The following CLK3 variants were observed in gnomAD, a reference collection of about 807,000 sequenced individuals.
The protein encoded by CLK3 is dual specificity protein kinase CLK3.
CLK3 carries 24 observed loss-of-function variants against 65.2 expected under a neutral mutation model. The ratio of observed to expected loss-of-function variants is 0.37; its 90% CI spans 0.27 to 0.52. The LOEUF (loss-of-function observed/expected upper bound fraction) is 0.52. Ranked by LOEUF, CLK3 falls within the 20% of genes least tolerant of loss-of-function variation. CLK3 has a pLI of 0.92. For synonymous variants in CLK3, 252 were observed against 240.8 expected (o/e 1.05, Z -0.43); for missense variants, 506 against 660.0 (o/e 0.77, Z 2.56).
Position 74,624,877 on chromosome 15 carries a change from C to T in CLK3, c.534-25C>T. The T allele has an allele frequency of 6.4e-7, 1 of 1,558,540 alleles. No homozygotes were observed. Among genetic ancestry groups the T allele is most frequent in the Non-Finnish European group, 8.8e-7 (1 of 1,139,096 alleles). On this transcript the variant is annotated intron_variant, in intron 5 of 12. Transcript: ENST00000395066. This position sits in a 1 kb window ranked among gnomAD's most constrained non-coding sequence, Gnocchi z 4.2. ...AGGACTGGGCAGCTGCTGATGAGAA[C>T]CTCTGTTTCCTTCCCGGGTACCAGA... is the stretch of plus-strand genomic sequence containing the variant.
At chr15:74,609,713 C>A (rs2061964179) in intron 1 of CLK3, among the ~76,000 whole-genome samples, 1 of 152,382 alleles carries the variant, frequency 6.6e-6, no homozygotes, top group East Asian at 1.9e-4. Context: ...GGCCCTGCCT[C>A]CATCCCAGCT....
upstream of CLK3, among the ~76,000 whole-genome samples, chr15:74,611,083 ACAGGGACCCTGGCCCTTCCTTCACCTC>A (rs2061983648): frequency 6.6e-6 from 1 of 152,126 alleles, no homozygotes; most frequent in Non-Finnish European, 1.5e-5. Context: ...CTGGGGGGCC[ACAGGGACCCTGGCCCTTCCTTCACCTC>A]CAGCAGTGTC....
chr15:74,624,815 T>A lies in CLK3; in HGVS notation c.534-87T>A. The A allele has an allele frequency of 1.1e-6, 1 of 926,638 alleles. No homozygotes were observed. The highest frequency in any genetic ancestry group is 1.7e-6 in the Non-Finnish European group (1 of 577,034). The allele number at this position is 926,638 out of a possible 1,614,324, so 57.4% of individuals were successfully genotyped here. A position where few individuals can be genotyped will look rare whatever the true frequency, so the allele number is the denominator to read the frequency against. ...TGCCGGCTGCTCCTGGAGTGGTGTTTGTTGGGAGTTGCTGGGTTGGGGTGG... is the reference window on the plus strand; with the variant it reads ...TGCCGGCTGCTCCTGGAGTGGTGTTAGTTGGGAGTTGCTGGGTTGGGGTGG... On this transcript the variant is annotated intron_variant, in intron 5 of 12. Transcript: ENST00000395066. This position sits in a 1 kb window ranked among gnomAD's most constrained non-coding sequence, Gnocchi z 4.2.
chr15:74,615,959 C>A, intron 1 of CLK3, 61 bp downstream of exon 1: 1 of 1,161,800 alleles, frequency 8.6e-7, no homozygotes, highest in Non-Finnish European at 1.1e-6. Context: ...GGTGAGTCGG[C>A]GGGGCAGGCG....
intron 10 of CLK3, 78 bp from the exon 11 acceptor site, chr15:74,628,526 A>G: frequency 9.4e-7 from 1 of 1,062,392 alleles, no homozygotes; most frequent in African/African-American, 1.6e-5. Context: ...GCACTTGCCC[A>G]TCTTTCTTGT....
At chr15:74,610,142 C>A (rs1005890535) in intron 1 of CLK3, among the ~76,000 whole-genome samples, 1 of 152,258 alleles carries the variant, frequency 6.6e-6, no homozygotes, top group Non-Finnish European at 1.5e-5. Context: ...TTGGGGGATC[C>A]CCAGGCTGGG....
At chr15:74,615,498 C>T, upstream of CLK3, 1 of 1,308,046 alleles carries the variant, frequency 7.6e-7, no homozygotes, top group Non-Finnish European at 9.8e-7. Context: ...GCGGACCACG[C>T]GGGGTCGGGG....
chr15:74,608,520 T>TGAAA (rs2061942234), intron 1 of CLK3: 1 of 152,036 alleles, frequency 6.6e-6, no homozygotes, highest in Non-Finnish European at 1.5e-5. Context: ...AGATGCCTCT[T>TGAAA]TCATGGCTCC....
chr15:74,629,050 C>A lies in CLK3; in HGVS notation c.1296+18C>A, dbSNP rs1358503644. ...CTCTGAAGGTCAGTTTCTGGCTACC[C>A]CCAGCTGAACTCATGCCAAGGAGAG... On this transcript the variant is annotated intron_variant, in intron 12 of 12. Transcript: ENST00000395066. The A allele has an allele frequency of 6.3e-7, 1 of 1,576,904 alleles. No individual in the cohort carries two copies. Among genetic ancestry groups the A allele is most frequent in the South Asian group, 1.1e-5 (1 of 90,350 alleles).
chr15:74,608,948 G>A lies in CLK3; in HGVS notation c.-1+522G>A, dbSNP rs576022116. ...AGCCACCTACCAGGACTCTTGGCCC[G>A]GGGCCACACCCAGTGCTGCTAGCAG... On this transcript the variant is annotated intron_variant, in intron 1 of 12. Transcript: ENST00000345005. Among the ~76,000 whole-genome samples the A allele has an allele frequency of 1.1e-4, 16 of 152,284 alleles. 1 individual carries two copies. The highest frequency in any genetic ancestry group is 6.8e-3 in the Middle Eastern group (2 of 294).
At chr15:74,623,221 T>C (rs2062117421) in intron 5 of CLK3, among the ~76,000 whole-genome samples, 1 of 152,208 alleles carries the variant, frequency 6.6e-6, no homozygotes. Context: ...TCCTCTCCTA[T>C]AGGTCTGGGT....
At position 74,619,090 on chromosome 15, in the gene CLK3, A is replaced by G. The variant is rs868640145; in HGVS notation, c.1-107A>G. Reference sequence around the variant, plus strand: ...AAACCTCTGGGAGGGGCCGCCTTCAAACAGAACAATGGGCCTCTTCAGGAG... The same window carrying G: ...AAACCTCTGGGAGGGGCCGCCTTCAGACAGAACAATGGGCCTCTTCAGGAG... On this transcript the variant is annotated intron_variant, in intron 1 of 12. Coordinates refer to ENST00000395066, the MANE Select transcript of CLK3 (RefSeq NM_001130028.2). The G allele has an allele frequency of 4.3e-6, 6 of 1,409,356 alleles. No individual in the cohort carries two copies. In the Middle Eastern group the frequency reaches 5.6e-4, roughly 131 times the overall value. The allele number at this position is 1,409,356 out of a possible 1,614,324, so 87.3% of individuals were successfully genotyped here.
intron 1 of CLK3, among the ~76,000 whole-genome samples, chr15:74,618,439 G>T (rs2062076625): frequency 6.6e-6 from 1 of 152,188 alleles, no homozygotes; most frequent in Non-Finnish European, 1.5e-5. Context: ...TAGAAGAAGG[G>T]ACAGTAACGG....
In CLK3 at chr15:74,624,154, T is replaced by C. The variant is rs1034848677; in HGVS notation, c.534-748T>C. The C allele has an allele frequency of 1.3e-5, 2 of 152,258 alleles. No homozygotes were observed. The highest frequency in any genetic ancestry group is 4.8e-5 in the African/African-American group (2 of 41,434). 9.4% of individuals were successfully genotyped at this position (152,258 alleles called of 1,614,324 possible). A position where few individuals can be genotyped will look rare whatever the true frequency, so the allele number is the denominator to read the frequency against. On this transcript the variant is annotated intron_variant, in intron 5 of 12. Coordinates refer to ENST00000395066, the MANE Select transcript of CLK3 (RefSeq NM_001130028.2). The surrounding 1 kb of genome is among the most constrained non-coding windows in gnomAD (Gnocchi z 4.2). ...CGTTCCCCACTGGGCATCTGAATTC[T>C]AGCTGTCCTTTCCTGACAGGGCCTG...
chr15:74,628,893 C>T, intron 11 of CLK3, 49 bp from the exon 12 acceptor site: 1 of 1,367,722 alleles, frequency 7.3e-7, no homozygotes, highest in Non-Finnish European at 1.0e-6. Flanking sequence ...CCACCAGAGG[C>T]TTGTCCCCTT....
Position 74,622,100 on chromosome 15 carries a change from T to C in CLK3, c.370-20T>C. On this transcript the variant is annotated intron_variant, in intron 3 of 12. Transcript: ENST00000395066. This position sits in a 1 kb window ranked among gnomAD's most constrained non-coding sequence, Gnocchi z 4.6. The stretch of plus-strand genomic sequence containing the variant: ...ACCATGCGATTGGTCGGATGGCGTT[T>C]CGGGGGGCGGTGCATGCAGAGAAGC... The C allele has an allele frequency of 1.2e-6, 2 of 1,613,164 alleles. No homozygotes were observed. The highest frequency in any genetic ancestry group is 1.7e-6 in the Non-Finnish European group (2 of 1,179,206).
chr15:74,620,448 T>C (rs2062092949), intron 3 of CLK3: 1 of 649,264 alleles, frequency 1.5e-6, no homozygotes. Flanking sequence ...GTAGGAACTC[T>C]GGCTCCGATG....
chr15:74,629,224 C>G (rs927052217), intron 12 of CLK3, 192 bp downstream of exon 12: 1 of 691,538 alleles, frequency 1.4e-6, no homozygotes, highest in African/African-American at 1.8e-5. Context: ...GCCCTTAGCC[C>G]TACCCCTTCC....
upstream of CLK3, among the ~76,000 whole-genome samples, chr15:74,613,986 C>G (rs372327350): frequency 6.6e-6 from 1 of 152,198 alleles, no homozygotes; most frequent in African/African-American, 2.4e-5. Flanking sequence ...AGCAGCCAAT[C>G]TGGGTCACCC....
Sources: allele counts gnomAD v4.1 joint callset (sites outside exome capture counted in the v4.1 genomes callset), GRCh38; gene constraint gnomAD v4.1.1; non-coding constraint Gnocchi (gnomAD v3.1); transcripts MANE v1.5; gene names NCBI Gene and HGNC (gene_info 2026-07-23, HGNC 2026-07-21).